The following SUGCT variants were observed in gnomAD, a reference collection of about 807,000 sequenced individuals.
SUGCT encodes succinyl-CoA:glutarate CoA-transferase.
Under a neutral mutation model 55.0 loss-of-function variants are expected in SUGCT, and 41 were observed. The observed-to-expected ratio is 0.74, with a 90% CI of 0.58 to 0.97. The LOEUF (loss-of-function observed/expected upper bound fraction) is 0.97. Among genes scored for constraint, SUGCT ranks in the 50% least tolerant of loss-of-function variants. SUGCT has a pLI of 0.00. For missense variants in SUGCT, 568 were observed against 547.8 expected (o/e 1.04, Z -0.37); for synonymous variants, 187 against 200.4 (o/e 0.93, Z 0.56).
chr7:40,732,374 C>T (rs1786936998), intron 12 of SUGCT, among the ~76,000 whole-genome samples: 1 of 152,136 alleles, frequency 6.6e-6, no homozygotes, highest in Admixed American at 6.6e-5. Context: ...TTTTAAAATC[C>T]TTCATTTAAT....
the SUGCT span, among the ~76,000 whole-genome samples, chr7:40,866,408 G>A: frequency 1.3e-5 from 2 of 151,866 alleles, no homozygotes; most frequent in East Asian, 3.9e-4. Context: ...CTTGGAGAGG[G>A]TCAGGAAAAT....
chr7:40,816,067 C>G (rs566235742), intron 13 of SUGCT, among the ~76,000 whole-genome samples: 1 of 152,316 alleles, frequency 6.6e-6, no homozygotes, highest in Admixed American at 6.5e-5. Context: ...GTCTCACTGC[C>G]CAAGAGAAAC....
chr7:40,490,186 G>A (rs571897335), intron 11 of SUGCT, among the ~76,000 whole-genome samples: 2 of 152,326 alleles, frequency 1.3e-5, no homozygotes, highest in South Asian at 4.1e-4. Context: ...GTGGGTTCAA[G>A]CCTGGAAGAC....
intron 9 of SUGCT, among the ~76,000 whole-genome samples, chr7:40,353,754 A>G (rs1377170562): frequency 1.3e-5 from 2 of 152,198 alleles, no homozygotes; most frequent in Non-Finnish European, 2.9e-5. Flanking sequence ...TATGACAAGT[A>G]TCATCAGTTT....
chr7:40,418,095 G>A (rs529471922), intron 9 of SUGCT, among the ~76,000 whole-genome samples: 1 of 152,138 alleles, frequency 6.6e-6, no homozygotes, highest in South Asian at 2.1e-4. Context: ...TATTTAAACA[G>A]GATAAATTCT....
Position 40,227,107 on chromosome 7 carries a change from C to T in SUGCT, c.485-10528C>T, listed in dbSNP as rs191413851. 3.0e-3 allele frequency among the ~76,000 whole-genome samples: 371 copies of T among 125,464 alleles called. 1 individual carries two copies. Among genetic ancestry groups the T allele is most frequent in the Admixed American group, 8.4e-3 (82 of 9,740 alleles). The allele number at this position is 125,464 out of a possible 152,430, so 82.3% of individuals were successfully genotyped here. On this transcript the variant is annotated intron_variant, in intron 6 of 13. Transcript: ENST00000335693. ...TGTCTCCCAGGCTGGAGTGCAGTGG[C>T]GCTGTATCGGCTCACTGCAACCATC... is the stretch of plus-strand genomic sequence containing the variant.
At chr7:40,452,982 C>T (rs71536684) in intron 10 of SUGCT, among the ~76,000 whole-genome samples, 4,023 of 152,288 alleles carry the variant, frequency 0.026, 79 homozygotes, top group Middle Eastern at 0.051. Context: ...ACCAGCTTTT[C>T]CCTCTAGTTA....
intron 9 of SUGCT, among the ~76,000 whole-genome samples, chr7:40,440,145 GTT>G (rs138984553): frequency 0.018 from 1,212 of 67,766 alleles, 13 homozygotes; most frequent in East Asian, 0.14. Context: ...GTGTGTGTGT[GTT>G]TTTTTTTTTT....
intron 12 of SUGCT, among the ~76,000 whole-genome samples, chr7:40,496,783 C>T (rs1019969352): frequency 7.0e-6 from 1 of 142,178 alleles, no homozygotes; most frequent in Non-Finnish European, 1.5e-5. Flanking sequence ...TATGATTATA[C>T]CTCTGATCAT....
the SUGCT span, among the ~76,000 whole-genome samples, chr7:40,885,985 G>C: frequency 6.6e-6 from 1 of 152,160 alleles, no homozygotes; most frequent in East Asian, 1.9e-4. Context: ...ACTTTTAAGA[G>C]ACTTTACAGA....
chr7:40,772,251 G>A (rs1057060043), intron 13 of SUGCT, among the ~76,000 whole-genome samples: 1 of 151,974 alleles, frequency 6.6e-6, no homozygotes, highest in Non-Finnish European at 1.5e-5. Flanking sequence ...CCATATTCCT[G>A]TTACCACCTG....
intron 12 of SUGCT, among the ~76,000 whole-genome samples, chr7:40,723,930 A>G (rs1384979655): frequency 6.6e-6 from 1 of 152,188 alleles, no homozygotes; most frequent in Non-Finnish European, 1.5e-5. Flanking sequence ...CAAATGGATC[A>G]ATATTTGTGT....
chr7:40,161,686 G>T (rs1250711617), intron 1 of SUGCT, among the ~76,000 whole-genome samples: 1 of 152,136 alleles, frequency 6.6e-6, no homozygotes, highest in Non-Finnish European at 1.5e-5. Context: ...ATAGTAATTT[G>T]CAGTGATCAT....
chr7:40,360,466 G>A (rs1394972467), intron 9 of SUGCT, among the ~76,000 whole-genome samples: 1 of 152,188 alleles, frequency 6.6e-6, no homozygotes, highest in Non-Finnish European at 1.5e-5. Flanking sequence ...CACCAACAGT[G>A]TGCCAAGCGC....
At chr7:41,022,617 A>G in the SUGCT span, among the ~76,000 whole-genome samples, 1 of 152,196 alleles carries the variant, frequency 6.6e-6, no homozygotes, top group South Asian at 2.1e-4. Flanking sequence ...TCCAGGTGGA[A>G]CTAGAATGCT....
chr7:40,798,855 T>A (rs1194874928), intron 13 of SUGCT, among the ~76,000 whole-genome samples: 1 of 152,224 alleles, frequency 6.6e-6, no homozygotes, highest in African/African-American at 2.4e-5. Flanking sequence ...TCTTTCTTTT[T>A]TATATTTTTA....
downstream of SUGCT, among the ~76,000 whole-genome samples, chr7:40,863,209 G>C (rs1355381019): frequency 6.6e-6 from 1 of 152,170 alleles, no homozygotes; most frequent in African/African-American, 2.4e-5. Flanking sequence ...ACTCTAGCCT[G>C]GGTGACAGAG....
intron 1 of SUGCT, among the ~76,000 whole-genome samples, chr7:40,167,875 T>G (rs964635257): frequency 6.6e-6 from 1 of 152,028 alleles, no homozygotes; most frequent in Non-Finnish European, 1.5e-5. Flanking sequence ...GCTATAAAAA[T>G]CACGGACCAG....
At chr7:40,265,388 A>G (rs1231417997) in intron 7 of SUGCT, among the ~76,000 whole-genome samples, 9 of 152,178 alleles carry the variant, frequency 5.9e-5, no homozygotes, top group Admixed American at 5.9e-4. Flanking sequence ...TTACAGCTTC[A>G]ATGCACTTTT....
Sources: allele counts gnomAD v4.1 joint callset (sites outside exome capture counted in the v4.1 genomes callset), GRCh38; gene constraint gnomAD v4.1.1; transcripts MANE v1.5; gene names NCBI Gene and HGNC (gene_info 2026-07-23, HGNC 2026-07-21).